C5orf34: variants seen among roughly 807,000 people sequenced by gnomAD.
The protein encoded by C5orf34 is uncharacterized protein C5orf34.
Under a neutral mutation model 78.4 loss-of-function variants are expected in C5orf34, and 73 were observed. That is an observed-to-expected ratio of 0.93 (90% CI 0.77 to 1.13). The LOEUF (loss-of-function observed/expected upper bound fraction) is 1.13, where lower values mean the gene tolerates loss of function less well. Ranked by LOEUF, C5orf34 falls within the 50% of genes most tolerant of loss-of-function variation. The pLI is 0.00. For synonymous variants in C5orf34, 251 were observed against 246.6 expected (o/e 1.02, Z -0.17); for missense variants, 730 against 732.7 (o/e 1.00, Z 0.04).
In C5orf34 at chr5:43,509,149, TA is replaced by T; in HGVS notation, c.190del (p.Tyr64ThrfsTer9). ...TTACGTGATATCTTTACTTACTCTGTAAGTGCTAATGACAAAATGTGTCCTT... is the reference window on the plus strand; with the variant it reads ...TTACGTGATATCTTTACTTACTCTGTAGTGCTAATGACAAAATGTGTCCTT... ...RQRTHFVIST[Y>X]REQLQRALDF... On this transcript the variant is annotated frameshift_variant, in exon 2 of 13. Transcript: ENST00000306862. LOFTEE classifies it high-confidence loss of function. 1 of 1,611,896 alleles carries T rather than the reference TA, an allele frequency of 6.2e-7. No homozygotes were observed. The highest frequency in any genetic ancestry group is 8.5e-7 in the Non-Finnish European group (1 of 1,179,228).
chr5:43,502,369 T>G lies in C5orf34; in HGVS notation c.1152+3A>C. ...TCTTGAGTTGAGTTCATTGTTGGCT[T>G]ACCTTTCCTGATCCTTCTTGAATAG... On this transcript the variant is annotated splice_donor_region_variant and intron_variant, in intron 6 of 12. Coordinates refer to ENST00000306862, the MANE Select transcript of C5orf34 (RefSeq NM_198566.4). 6.2e-7 allele frequency: 1 copy of G among 1,611,532 alleles called. No homozygotes were observed. Among genetic ancestry groups the G allele is most frequent in the African/African-American group, 1.3e-5 (1 of 74,964 alleles).
chr5:43,488,206 G>A (rs935079564), intron 11 of C5orf34: 3 of 473,094 alleles, frequency 6.3e-6, no homozygotes, highest in Admixed American at 3.6e-5. Flanking sequence ...AAATATTGAT[G>A]TTTGAGGATA....
intron 6 of C5orf34, chr5:43,496,558 C>T: frequency 1.2e-6 from 1 of 822,212 alleles, no homozygotes; most frequent in African/African-American, 1.9e-5. Context: ...AGAATTACTC[C>T]TATTCATTCA....
rs144358871 is a variant in C5orf34, at chr5:43,487,041, A to G, written c.1791T>C (p.His597=). 1.0e-4 allele frequency: 159 copies of G among 1,590,000 alleles called. No homozygotes were observed. Among genetic ancestry groups the G allele is most frequent in the Non-Finnish European group, 1.3e-4 (155 of 1,168,344 alleles). The change falls in exon 13 of 13, where the codon CAT becomes CAC. Residue 597 remains histidine (H), a synonymous_variant. Transcript: ENST00000306862. ...NKKNEQQSFD[H]YKPGSSETLL... ...AGGTTTCTGAAGATCCTGGTTTATA[A>G]TGATCAAAAGACTGTTGTTCATTTT...
chr5:43,511,842 A>G (rs1746274091), intron 1 of C5orf34, among the ~76,000 whole-genome samples: 1 of 152,112 alleles, frequency 6.6e-6, no homozygotes, highest in Non-Finnish European at 1.5e-5. Context: ...ATGCTCGTTA[A>G]GAGTCATCAC....
chr5:43,491,015 A>G (rs1745258718), intron 10 of C5orf34, among the ~76,000 whole-genome samples: 1 of 152,206 alleles, frequency 6.6e-6, no homozygotes, highest in South Asian at 2.1e-4. Context: ...TTAAAGTTCA[A>G]TTTTAAATGT....
At chr5:43,495,885 G>A (rs1745496404) in intron 6 of C5orf34, 1 of 1,593,536 alleles carries the variant, frequency 6.3e-7, no homozygotes, top group Admixed American at 1.7e-5. Context: ...CCAGAAATTG[G>A]CACAAATGCT....
chr5:43,488,407 T>G (rs1332767002), intron 11 of C5orf34: 1 of 154,098 alleles, frequency 6.5e-6, no homozygotes, highest in Non-Finnish European at 1.4e-5. Flanking sequence ...TTGAACTATT[T>G]AACTTCCTGC....
chr5:43,487,247 C>T (rs1272119971), intron 12 of C5orf34, 136 bp from the exon 13 acceptor site: 1 of 457,340 alleles, frequency 2.2e-6, no homozygotes, highest in East Asian at 3.5e-5. Context: ...GTTGGAACTG[C>T]AAGGCTTATC....
chr5:43,505,455 C>A, intron 4 of C5orf34: 1 of 311,836 alleles, frequency 3.2e-6, no homozygotes, highest in East Asian at 5.3e-5. Flanking sequence ...GTACAGTGAC[C>A]TTCACTAGAT....
chr5:43,497,881 G>A (rs1224715152), intron 6 of C5orf34, among the ~76,000 whole-genome samples: 6 of 152,044 alleles, frequency 3.9e-5, no homozygotes, highest in African/African-American at 1.4e-4. Flanking sequence ...CTTTCTCTAC[G>A]CTGTATTTAC....
At position 43,486,890 on chromosome 5, in the gene C5orf34, T is replaced by C. The variant is rs773770959; in HGVS notation, c.*25A>G. ...TTGAAACAACATCCTTAAACTTTAA[T>C]AATATGTTGTAATAATTCCATTTTT... On this transcript the variant is annotated 3_prime_UTR_variant, in exon 13 of 13. Transcript: ENST00000306862. 5 of 1,371,044 alleles carry C rather than the reference T, an allele frequency of 3.6e-6. No homozygotes were observed. The highest frequency in any genetic ancestry group is 4.9e-6 in the Non-Finnish European group (5 of 1,029,440). 84.9% of individuals were successfully genotyped at this position (1,371,044 alleles called of 1,614,324 possible).
chr5:43,492,112 G>A, intron 10 of C5orf34, 103 bp downstream of exon 10: 1 of 765,724 alleles, frequency 1.3e-6, no homozygotes, highest in Non-Finnish European at 2.1e-6. Flanking sequence ...TATCCACATG[G>A]AAAAACTAAA....
In C5orf34 at chr5:43,492,328, A is replaced by T. The variant is rs753646027; in HGVS notation, c.1486-19T>A. 1.0e-5 allele frequency: 15 copies of T among 1,494,040 alleles called. No homozygotes were observed. Among genetic ancestry groups the T allele is most frequent in the African/African-American group, 1.4e-5 (1 of 71,730 alleles). 92.5% of individuals were successfully genotyped at this position (1,494,040 alleles called of 1,614,324 possible). A position where few individuals can be genotyped will look rare whatever the true frequency, so the allele number is the denominator to read the frequency against. On this transcript the variant is annotated intron_variant, in intron 9 of 12. Transcript: ENST00000306862. ...GATTTACCTGAAGAAGTAGAAAGATAAGTTTTATCATTTTAGAACTGAAAA... is the reference window on the plus strand; with the variant it reads ...GATTTACCTGAAGAAGTAGAAAGATTAGTTTTATCATTTTAGAACTGAAAA...
chr5:43,505,106 T>C (rs1745923365), intron 4 of C5orf34, among the ~76,000 whole-genome samples: 2 of 152,236 alleles, frequency 1.3e-5, no homozygotes, highest in African/African-American at 2.4e-5. Flanking sequence ...GGCACATAAG[T>C]GTTTTGTAAG....
At chr5:43,503,378 A>T (rs1745843880) in intron 5 of C5orf34, among the ~76,000 whole-genome samples, 1 of 152,248 alleles carries the variant, frequency 6.6e-6, no homozygotes, top group Admixed American at 6.5e-5. Flanking sequence ...TATCCTAAAT[A>T]ACTGATATGA....
chr5:43,487,785 GACTC>G, intron 12 of C5orf34, 120 bp downstream of exon 12: 1 of 689,324 alleles, frequency 1.5e-6, no homozygotes, highest in African/African-American at 1.9e-5. Context: ...GGTATTTGCT[GACTC>G]AATAAAGGTT....
Position 43,492,809 on chromosome 5 carries a change from A to G in C5orf34, c.1396T>C (p.Tyr466His), listed in dbSNP as rs370589007. 6.2e-7 allele frequency: 1 copy of G among 1,612,792 alleles called. No homozygotes were observed. The highest frequency in any genetic ancestry group is 8.5e-7 in the Non-Finnish European group (1 of 1,179,106). Residue 466 changes from tyrosine (Y) to histidine (H), a missense_variant, in exon 9 of 13, where the codon TAC becomes CAC. Transcript: ENST00000306862. ...ATAGCATGTACTTTGTCATCAGAGT[A>G]GGCAAGAAATCTTCCCACACTGGGT... Reference protein sequence around the residue: ...LIPSVGRFLAYSDDKVHAIFL... With the variant: ...LIPSVGRFLAHSDDKVHAIFL...
intron 6 of C5orf34, chr5:43,495,342 CAAACTTG>C: frequency 6.2e-7 from 1 of 1,611,826 alleles, no homozygotes; most frequent in South Asian, 1.1e-5. Flanking sequence ...TTCAGCTCAG[CAAACTTG>C]CATGCAATGT....
Sources: gnomAD v4.1 joint callset for allele counts (sites outside exome capture counted in the v4.1 genomes callset) on GRCh38, gnomAD v4.1.1 for gene constraint, MANE v1.5 for transcripts, NCBI Gene and HGNC (gene_info 2026-07-23, HGNC 2026-07-21) for gene names.